ANK3: variants seen among roughly 807,000 people sequenced by gnomAD.
The protein encoded by ANK3 is ankyrin 3, also known as ankyrin-3.
ANK3 carries 57 observed loss-of-function variants against 370.9 expected under a neutral mutation model. The observed-to-expected ratio is 0.15, with a 90% CI of 0.12 to 0.19. The LOEUF is 0.19. Among genes scored for constraint, ANK3 ranks in the 10% least tolerant of loss-of-function variants. The pLI, the probability that ANK3 is intolerant of heterozygous loss-of-function variation, is 1.00. For synonymous variants in ANK3, 1,929 were observed against 1,946.3 expected, an observed-to-expected ratio of 0.99 and a Z score of 0.23; for missense variants, 4,439 against 5,302.1, an observed-to-expected ratio of 0.84 and a Z score of 5.06.
At chr10:60,491,958 C>A (rs2075518857) in intron 2 of ANK3, among the ~76,000 whole-genome samples, 1 of 151,922 alleles carries the variant, frequency 6.6e-6, no homozygotes, top group Non-Finnish European at 1.5e-5. Context: ...TCATGCACTG[C>A]ATAATGATGT....
intron 2 of ANK3, among the ~76,000 whole-genome samples, chr10:60,527,514 G>C (rs1299576633): frequency 6.6e-6 from 1 of 152,022 alleles, no homozygotes; most frequent in African/African-American, 2.4e-5. Flanking sequence ...ACCTGCCTAA[G>C]GCTAAGAACC....
chr10:60,102,022 AT>A (rs1409039338), intron 28 of ANK3, among the ~76,000 whole-genome samples: 1 of 151,784 alleles, frequency 6.6e-6, no homozygotes, highest in Non-Finnish European at 1.5e-5. Flanking sequence ...GACTAAATCT[AT>A]TTACTGTTTC....
chr10:60,115,364 C>G (rs984348847), intron 25 of ANK3, among the ~76,000 whole-genome samples: 1 of 152,170 alleles, frequency 6.6e-6, no homozygotes, highest in Non-Finnish European at 1.5e-5. Context: ...AGGAATATAT[C>G]ACCATCGGGT....
At chr10:60,415,009 G>T (rs547429072) in intron 2 of ANK3, among the ~76,000 whole-genome samples, 1 of 152,332 alleles carries the variant, frequency 6.6e-6, no homozygotes, top group South Asian at 2.1e-4. Context: ...CAGGGGCTGA[G>T]TGGACCAGTC....
intron 1 of ANK3, among the ~76,000 whole-genome samples, chr10:60,354,272 T>C (rs191851552): frequency 2.0e-5 from 3 of 152,352 alleles, no homozygotes; most frequent in East Asian, 3.9e-4. Context: ...CTTCCCAAGA[T>C]GCATGGCACA....
chr10:60,233,327 A>G (rs1389694281), intron 8 of ANK3, among the ~76,000 whole-genome samples: 1 of 152,230 alleles, frequency 6.6e-6, no homozygotes, highest in Non-Finnish European at 1.5e-5. Context: ...GATTCAAATC[A>G]AATTCTAAGT....
intron 2 of ANK3, among the ~76,000 whole-genome samples, chr10:60,440,352 G>A (rs1293891131): frequency 6.6e-6 from 1 of 152,078 alleles, no homozygotes; most frequent in Non-Finnish European, 1.5e-5. Context: ...ATGCATGGCT[G>A]GGGAGGCCTC....
intron 2 of ANK3, among the ~76,000 whole-genome samples, chr10:60,437,874 T>C (rs1298498576): frequency 6.6e-6 from 1 of 152,240 alleles, no homozygotes; most frequent in Non-Finnish European, 1.5e-5. Flanking sequence ...ATTTGAAGTC[T>C]GCCTCCAGAA....
At chr10:60,543,869 A>T (rs916064831) in intron 2 of ANK3, among the ~76,000 whole-genome samples, 3 of 152,076 alleles carry the variant, frequency 2.0e-5, no homozygotes, top group Admixed American at 6.6e-5. Context: ...ATCTGTCCAG[A>T]CTCAATTCTT....
chr10:60,037,951 C>T (rs1360684514), intron 43 of ANK3, among the ~76,000 whole-genome samples: 1 of 152,212 alleles, frequency 6.6e-6, no homozygotes, highest in African/African-American at 2.4e-5. Flanking sequence ...ACCTTGCCAG[C>T]ACCTGTTATT....
rs143451706 is a variant in ANK3, at chr10:60,579,875, T to C, written c.96+35311A>G. Among the ~76,000 whole-genome samples the C allele has an allele frequency of 7.9e-3, 1,198 of 152,274 alleles. 7 individuals carry two copies. Among genetic ancestry groups the C allele is most frequent in the Non-Finnish European group, 0.011 (775 of 68,018 alleles). ...CCCCTAATCTTAAATGATTCGTACA[T>C]TTAAGACATGGTAAAATGATTCAGA... On this transcript the variant is annotated intron_variant, in intron 2 of 43. Coordinates refer to the ANK3 transcript ENST00000373827.
At chr10:60,342,803 T>G (rs1252489543) in intron 1 of ANK3, among the ~76,000 whole-genome samples, 2 of 152,116 alleles carry the variant, frequency 1.3e-5, no homozygotes, top group African/African-American at 4.8e-5. Context: ...CTACATAAGA[T>G]GAAGTCATTG....
Position 60,733,170 on chromosome 10 carries a change from T to G in ANK3, c.57+93A>C, listed in dbSNP as rs193275676. ...GGCACCCCCAGGAGGGCAGGACTCC[T>G]GGGGCCCCCCGGCCCGGGCCTCCCG... On this transcript the variant is annotated intron_variant, in intron 1 of 43. Coordinates refer to the ANK3 transcript ENST00000373827. 4.8e-4 allele frequency: 543 copies of G among 1,137,438 alleles called. 3 individuals are homozygous for G. The African/African-American group carries it at 7.8e-3, about 16-fold the overall frequency. 70.5% of individuals were successfully genotyped at this position (1,137,438 alleles called of 1,614,324 possible). A position where few individuals can be genotyped will look rare whatever the true frequency, so the allele number is the denominator to read the frequency against.
intron 8 of ANK3, among the ~76,000 whole-genome samples, chr10:60,226,921 G>A (rs562068124): frequency 3.3e-4 from 49 of 150,696 alleles, no homozygotes; most frequent in African/African-American, 1.1e-3. Context: ...TTGATATTTT[G>A]CTTCAACAAT....
chr10:60,085,459 A>G (rs2086422310), intron 30 of ANK3, among the ~76,000 whole-genome samples: 1 of 152,042 alleles, frequency 6.6e-6, no homozygotes, highest in South Asian at 2.1e-4. Flanking sequence ...TTGTAAGATG[A>G]TATTAAATTA....
At chr10:60,143,900 A>G (rs1206861079) in intron 23 of ANK3, among the ~76,000 whole-genome samples, 1 of 152,236 alleles carries the variant, frequency 6.6e-6, no homozygotes, top group Non-Finnish European at 1.5e-5. Context: ...CATGTTATAA[A>G]GAAGCTCAAG....
intron 2 of ANK3, among the ~76,000 whole-genome samples, chr10:60,399,086 C>T (rs183419730): frequency 2.7e-4 from 41 of 152,162 alleles, no homozygotes; most frequent in Non-Finnish European, 5.3e-4. Flanking sequence ...TAATACTGTA[C>T]TAAACCCAGT....
chr10:60,151,230 G>T (rs1413691617), intron 23 of ANK3, among the ~76,000 whole-genome samples: 6 of 152,112 alleles, frequency 3.9e-5, no homozygotes, highest in Admixed American at 3.9e-4. Flanking sequence ...TACTTTGAAG[G>T]TCTATCCCCT....
intron 4 of ANK3, among the ~76,000 whole-genome samples, chr10:60,278,435 T>G (rs897171208): frequency 6.6e-6 from 1 of 152,060 alleles, no homozygotes; most frequent in Non-Finnish European, 1.5e-5. Context: ...AGTACAGTGG[T>G]GCAATCTCGG....
Sources: gnomAD v4.1 joint callset for allele counts (sites outside exome capture counted in the v4.1 genomes callset) on GRCh38, gnomAD v4.1.1 for gene constraint, MANE v1.5 for transcripts, NCBI Gene and HGNC (gene_info 2026-07-23, HGNC 2026-07-21) for gene names.